GAN: variants seen among roughly 807,000 people sequenced by gnomAD.
GAN encodes the protein gigaxonin, also known as epididymis secretory sperm binding protein.
In GAN, 48 loss-of-function variants were observed where a neutral mutation model predicts 71.3. The ratio of observed to expected loss-of-function variants is 0.67; its 90% CI spans 0.53 to 0.86. The LOEUF is 0.86. GAN is among the 40% of genes least tolerant of loss of function. The pLI, the probability that GAN is intolerant of heterozygous loss-of-function variation, is 0.00. For synonymous variants in GAN, 386 were observed against 276.8 expected (o/e 1.39, Z -3.92); for missense variants, 928 against 770.1 (o/e 1.21, Z -2.43).
intron 1 of GAN, among the ~76,000 whole-genome samples, chr16:81,340,091 C>A (rs1446596639): frequency 6.6e-6 from 1 of 152,098 alleles, no homozygotes; most frequent in Admixed American, 6.6e-5. Context: ...AACCTGTATT[C>A]TTTATATTTG....
chr16:81,315,756 G>A (rs1909016598), intron 1 of GAN, among the ~76,000 whole-genome samples: 1 of 152,248 alleles, frequency 6.6e-6, no homozygotes, highest in African/African-American at 2.4e-5. Context: ...CCACGCGCGG[G>A]GGCTGGGCCG....
intron 7 of GAN, among the ~76,000 whole-genome samples, chr16:81,364,476 C>T (rs576590819): frequency 9.2e-5 from 14 of 152,178 alleles, no homozygotes; most frequent in East Asian, 1.9e-4. Flanking sequence ...TATGTTGCCC[C>T]GGCTGGTCTT....
intron 8 of GAN, 63 bp downstream of exon 8, chr16:81,365,173 A>T (rs767738762): frequency 1.9e-6 from 3 of 1,585,500 alleles, no homozygotes; most frequent in East Asian, 4.5e-5. Flanking sequence ...GGAGCCCCTT[A>T]CCCTGCCTGG....
At chr16:81,368,933 G>C (rs547428828) in intron 9 of GAN, among the ~76,000 whole-genome samples, 1 of 152,262 alleles carries the variant, frequency 6.6e-6, no homozygotes, top group African/African-American at 2.4e-5. Flanking sequence ...AAAGGTAATA[G>C]TTCTTAGCCA....
At chr16:81,364,111 C>G (rs990341440) in intron 7 of GAN, among the ~76,000 whole-genome samples, 168 bp downstream of exon 7, 13 of 152,184 alleles carry the variant, frequency 8.5e-5, no homozygotes, top group Non-Finnish European at 1.8e-4. Context: ...AGCCACACAC[C>G]AAGATAGGAA....
At chr16:81,354,225 T>C (rs1274213605) in intron 2 of GAN, among the ~76,000 whole-genome samples, 180 bp from the exon 3 acceptor site, 1 of 141,104 alleles carries the variant, frequency 7.1e-6, no homozygotes, top group Non-Finnish European at 1.5e-5. Flanking sequence ...CTTATGTTGG[T>C]GCCTTCCAAC....
chr16:81,340,545 C>G (rs1299590989), intron 1 of GAN, among the ~76,000 whole-genome samples: 1 of 152,090 alleles, frequency 6.6e-6, no homozygotes, highest in African/African-American at 2.4e-5. Flanking sequence ...GCTGAGGGGC[C>G]TCTCTGTTAG....
rs554216464 is a variant in GAN at position 81,323,098 on chromosome 16, C to T, written c.167+7818C>T. ...ACCCATTGGTTAATTGTATAGTCTT[C>T]CATTTGGTTAGTCCAGGGAATAGTT... On this transcript the variant is annotated intron_variant, in intron 1 of 10. Transcript: ENST00000648994. Among the ~76,000 whole-genome samples, 2 of 152,282 alleles carry T rather than the reference C, an allele frequency of 1.3e-5. 1 individual carries two copies. Among genetic ancestry groups the T allele is most frequent in the African/African-American group, 4.8e-5 (2 of 41,558 alleles).
intron 9 of GAN, among the ~76,000 whole-genome samples, chr16:81,371,669 T>C (rs1911040634): frequency 1.3e-5 from 2 of 152,162 alleles, no homozygotes; most frequent in Admixed American, 1.3e-4. Flanking sequence ...CACCACACTT[T>C]GGAGATCCTG....
chr16:81,330,324 A>G, intron 1 of GAN, among the ~76,000 whole-genome samples: 1 of 152,262 alleles, frequency 6.6e-6, no homozygotes, highest in East Asian at 1.9e-4. Context: ...AAAGACACCA[A>G]GAGGCTGGAG....
intron 1 of GAN, among the ~76,000 whole-genome samples, chr16:81,323,507 A>G (rs771262591): frequency 5.9e-5 from 9 of 152,198 alleles, no homozygotes; most frequent in Non-Finnish European, 1.3e-4. Flanking sequence ...CTTAACCCAT[A>G]TGCTGTGGGG....
At position 81,389,372 on chromosome 16, in the gene GAN, C is replaced by G. The variant is rs1407132478; in HGVS notation, c.*11776C>G. 1.3e-5 allele frequency: 2 copies of G among 152,318 alleles called. No individual in the cohort carries two copies. The highest frequency in any genetic ancestry group is 3.9e-4 in the East Asian group (2 of 5,188). 9.4% of individuals were successfully genotyped at this position (152,318 alleles called of 1,614,324 possible). On this transcript the variant is annotated 3_prime_UTR_variant, in exon 11 of 11. Coordinates refer to ENST00000648994, the MANE Select transcript of GAN (RefSeq NM_022041.4). ...ACCTTTTGTGAATTGTGACAACCAT[C>G]CCGTAATCATTGTGGCCTCAGCAGA...
At position 81,356,876 on chromosome 16, in the gene GAN, G is replaced by A. The variant is rs371906996; in HGVS notation, c.725G>A (p.Arg242Gln). 9.9e-6 allele frequency: 16 copies of A among 1,613,712 alleles called. No individual in the cohort carries two copies. Among genetic ancestry groups the A allele is most frequent in the Admixed American group, 3.3e-5 (2 of 60,022 alleles). ...REQMLNEPLV[R>Q]EIVKECSNIP... ...CAGATGCTGAATGAACCATTAGTAC[G>A]AGAAATTGTCAAAGAGTGTAGCAAT... is the stretch of plus-strand genomic sequence containing the variant. The change falls in exon 4 of 11, where the codon CGA (arginine) becomes CAA (glutamine). Residue 242 changes from arginine to glutamine, a missense_variant. Transcript: ENST00000648994.
chr16:81,315,016 C>G lies in GAN; in HGVS notation c.-98C>G, dbSNP rs1043696723. 9.5e-7 allele frequency: 1 copy of G among 1,047,306 alleles called. No individual in the cohort carries two copies. The highest frequency in any genetic ancestry group is 3.3e-5 in the East Asian group (1 of 30,412). The allele number at this position is 1,047,306 out of a possible 1,614,324, so 64.9% of individuals were successfully genotyped here. A position where few individuals can be genotyped will look rare whatever the true frequency, so the allele number is the denominator to read the frequency against. ...AGCTTCTGCTCAGAGCGCGGAGAGC[C>G]GGGCCGGGCGGGCGCGCGCGCAGGA... On this transcript the variant is annotated 5_prime_UTR_variant, in exon 1 of 11. Transcript: ENST00000648994.
rs1464334329 is a variant in GAN, at chr16:81,365,417, G to C, written c.1441G>C (p.Asp481His). The change falls in exon 9 of 11, where the codon GAC becomes CAC. Residue 481 changes from aspartate (D) to histidine (H), a missense_variant. By Grantham distance (81) the Asp-to-His change is moderately conservative. Coordinates refer to ENST00000648994, the MANE Select transcript of GAN (RefSeq NM_022041.4). ...YVFGGVRSRE[D>H]AQGSEMVTCK... ...GTTTGGGGGAGTCCGAAGTCGTGAG[G>C]ACGCCCAGGGTAGCGAGATGGTAAC... The C allele has an allele frequency of 1.2e-6, 2 of 1,613,754 alleles. No individual in the cohort carries two copies. Among genetic ancestry groups the C allele is most frequent in the Non-Finnish European group, 1.7e-6 (2 of 1,179,934 alleles).
Position 81,380,999 on chromosome 16 carries a change from T to C in GAN, c.*3403T>C, listed in dbSNP as rs1904302004. On this transcript the variant is annotated 3_prime_UTR_variant, in exon 11 of 11. Coordinates refer to ENST00000648994, the MANE Select transcript of GAN (RefSeq NM_022041.4). Reference sequence around the variant, plus strand: ...TGTTTTGTTTGTAAACACTTTGTTATATTGCACTACCACTTTAATGATGAC... The same window carrying C: ...TGTTTTGTTTGTAAACACTTTGTTACATTGCACTACCACTTTAATGATGAC... 6.6e-6 allele frequency: 1 copy of C among 152,226 alleles called. No homozygotes were observed. Among genetic ancestry groups the C allele is most frequent in the African/African-American group, 2.4e-5 (1 of 41,450 alleles). The allele number at this position is 152,226 out of a possible 1,614,324, so 9.4% of individuals were successfully genotyped here. A position where few individuals can be genotyped will look rare whatever the true frequency, so the allele number is the denominator to read the frequency against.
At chr16:81,356,070 C>A (rs550074609) in intron 3 of GAN, among the ~76,000 whole-genome samples, 3 of 152,160 alleles carry the variant, frequency 2.0e-5, no homozygotes, top group Admixed American at 6.5e-5. Context: ...TGCCTTAAAG[C>A]AAGGGAGATG....
intron 5 of GAN, among the ~76,000 whole-genome samples, chr16:81,358,984 C>A (rs894657205): frequency 2.6e-5 from 4 of 152,116 alleles, no homozygotes; most frequent in African/African-American, 9.7e-5. Flanking sequence ...TGGGATCTTG[C>A]AATGTTGCCC....
rs776907910 is a variant in GAN at position 81,362,608 on chromosome 16, C to T, written c.1083C>T (p.Asn361=). ...ANTWTALPPM[N]EARHNFGIVE... is the part of the protein sequence containing the mutation. Reference sequence around the variant, plus strand: ...CATGGACAGCATTGCCACCTATGAACGAGGTAAAACACTAGTTGGTTGGTT... The same window carrying T: ...CATGGACAGCATTGCCACCTATGAATGAGGTAAAACACTAGTTGGTTGGTT... Residue 361 remains asparagine (N), a synonymous_variant, in exon 6 of 11, where the codon AAC becomes AAT. Coordinates refer to ENST00000648994, the MANE Select transcript of GAN (RefSeq NM_022041.4). The T allele has an allele frequency of 4.9e-6, 7 of 1,424,964 alleles. No homozygotes were observed. The highest frequency in any genetic ancestry group is 7.0e-6 in the Non-Finnish European group (7 of 1,007,034). The allele number at this position is 1,424,964 out of a possible 1,614,324, so 88.3% of individuals were successfully genotyped here. A position where few individuals can be genotyped will look rare whatever the true frequency, so the allele number is the denominator to read the frequency against.
Sources: gnomAD v4.1 joint callset for allele counts (sites outside exome capture counted in the v4.1 genomes callset) on GRCh38, gnomAD v4.1.1 for gene constraint, MANE v1.5 for transcripts, NCBI Gene and HGNC (gene_info 2026-07-23, HGNC 2026-07-21) for gene names.